CSMD1: variants seen among roughly 807,000 people sequenced by gnomAD.
The protein encoded by CSMD1 is CUB and Sushi multiple domains 1, also known as CUB and sushi domain-containing protein 1.
A neutral mutation model predicts 417.5 loss-of-function variants in CSMD1; 213 were observed. That is an observed-to-expected ratio of 0.51 (90% CI 0.46 to 0.57). The LOEUF (loss-of-function observed/expected upper bound fraction) is 0.57. Ranked by LOEUF, CSMD1 falls within the 20% of genes least tolerant of loss-of-function variation. The probability of loss-of-function intolerance (pLI) is 0.00; values close to 1 mark genes in which losing one functional copy is unlikely to be tolerated. For missense variants in CSMD1, 6,923 were observed against 4,529.7 expected (o/e 1.53, Z -15.17); for synonymous variants, 2,862 against 1,736.8 (o/e 1.65, Z -16.11).
intron 5 of CSMD1, among the ~76,000 whole-genome samples, chr8:3,846,257 T>G (rs973561097): frequency 1.3e-5 from 2 of 152,180 alleles, no homozygotes; most frequent in African/African-American, 4.8e-5. Flanking sequence ...TGCACCACGC[T>G]ATGGCATTAT....
At chr8:4,278,116 C>A (rs1053031103) in intron 3 of CSMD1, among the ~76,000 whole-genome samples, 1 of 152,156 alleles carries the variant, frequency 6.6e-6, no homozygotes, top group Non-Finnish European at 1.5e-5. Flanking sequence ...TTCTCTTTCT[C>A]CTTATGCTCA....
intron 1 of CSMD1, among the ~76,000 whole-genome samples, chr8:4,782,765 G>C (rs931964016): frequency 6.6e-6 from 1 of 152,062 alleles, no homozygotes; most frequent in African/African-American, 2.4e-5. Context: ...TTATTTTCTA[G>C]TTAGTAATAG....
Position 3,936,021 on chromosome 8 carries a change from G to A in CSMD1, c.818+61882C>T, listed in dbSNP as rs528305481. The stretch of plus-strand genomic sequence containing the variant: ...ATGCAAATGATAAGAAAGGAAAACA[G>A]CCTTATTGCTGATATGGAGAAAGTT... On this transcript the variant is annotated intron_variant, in intron 5 of 69. Coordinates refer to ENST00000635120, the MANE Select transcript of CSMD1 (RefSeq NM_033225.6). Among the ~76,000 whole-genome samples the A allele has an allele frequency of 5.3e-5, 8 of 152,246 alleles. 1 individual carries two copies. Among genetic ancestry groups the A allele is most frequent in the Admixed American group, 2.6e-4 (4 of 15,270 alleles).
At chr8:3,007,267 G>C (rs1808007654) in intron 52 of CSMD1, among the ~76,000 whole-genome samples, 1 of 151,402 alleles carries the variant, frequency 6.6e-6, no homozygotes, top group Non-Finnish European at 1.5e-5. Context: ...TAAAAAGTCA[G>C]GAAACAACAG....
At chr8:3,230,945 T>C (rs1490401058) in intron 26 of CSMD1, among the ~76,000 whole-genome samples, 2 of 152,162 alleles carry the variant, frequency 1.3e-5, no homozygotes, top group East Asian at 3.9e-4. Flanking sequence ...GCCTGTGCTT[T>C]CAGGGGCCAC....
At position 3,678,343 on chromosome 8, in the gene CSMD1, G is replaced by C. The variant is rs150735174; in HGVS notation, c.1009+30071C>G. 5.8e-3 allele frequency among the ~76,000 whole-genome samples: 886 copies of C among 152,276 alleles called. 4 individuals are homozygous for C. Among genetic ancestry groups the C allele is most frequent in the Middle Eastern group, 0.051 (15 of 294 alleles). Reference sequence around the variant, plus strand: ...TAACCAATGCAGAGAAGTCTTTAAAGGACCTGATGGAGCTGAAAACCATGG... The same window carrying C: ...TAACCAATGCAGAGAAGTCTTTAAACGACCTGATGGAGCTGAAAACCATGG... On this transcript the variant is annotated intron_variant, in intron 7 of 69. Coordinates refer to ENST00000635120, the MANE Select transcript of CSMD1 (RefSeq NM_033225.6).
intron 5 of CSMD1, among the ~76,000 whole-genome samples, chr8:3,862,770 T>A (rs1804804125): frequency 6.6e-6 from 1 of 152,148 alleles, no homozygotes; most frequent in Non-Finnish European, 1.5e-5. Context: ...ACTGACGAGA[T>A]TACACACAGA....
intron 7 of CSMD1, among the ~76,000 whole-genome samples, chr8:3,630,621 G>C (rs1220654245): frequency 6.6e-6 from 1 of 152,194 alleles, no homozygotes; most frequent in African/African-American, 2.4e-5. Context: ...GGGCTGGCAT[G>C]CTGAGTGAGG....
At position 4,804,431 on chromosome 8, in the gene CSMD1, G is replaced by T. The variant is rs568551674; in HGVS notation, c.86-166873C>A. ...TTTCTATGCAATTACTGAATAAATT[G>T]CCAGTCATATACAGACTTCGGTGTA... On this transcript the variant is annotated intron_variant, in intron 1 of 69. Transcript: ENST00000635120. 4.0e-5 allele frequency among the ~76,000 whole-genome samples: 6 copies of T among 151,880 alleles called. No individual in the cohort carries two copies. In the South Asian group the frequency reaches 1.0e-3, roughly 26 times the overall value.
intron 3 of CSMD1, among the ~76,000 whole-genome samples, chr8:4,249,102 C>G (rs1676334083): frequency 1.3e-5 from 2 of 152,302 alleles, no homozygotes; most frequent in South Asian, 2.1e-4. Flanking sequence ...CTACAGACTT[C>G]TCAACCTTTC....
At chr8:4,974,211 A>G (rs1415432544) in intron 1 of CSMD1, among the ~76,000 whole-genome samples, 1 of 151,188 alleles carries the variant, frequency 6.6e-6, no homozygotes. Context: ...TTTTTAATAG[A>G]GATGAGATTT....
intron 6 of CSMD1, among the ~76,000 whole-genome samples, chr8:3,753,292 T>C (rs1345645251): frequency 6.6e-6 from 1 of 152,174 alleles, no homozygotes; most frequent in Non-Finnish European, 1.5e-5. Flanking sequence ...TGAATAGTTT[T>C]TTGCTGTGTT....
At chr8:4,014,737 G>A (rs897802913) in intron 4 of CSMD1, among the ~76,000 whole-genome samples, 2 of 152,292 alleles carry the variant, frequency 1.3e-5, no homozygotes, top group African/African-American at 2.4e-5. Context: ...CACTTCGCAT[G>A]ACTGCCCATC....
chr8:3,946,563 A>C (rs74448867), intron 5 of CSMD1, among the ~76,000 whole-genome samples: 1 of 151,560 alleles, frequency 6.6e-6, no homozygotes, highest in Non-Finnish European at 1.5e-5. Context: ...TCCTAAAAAC[A>C]AACAAACAAA....
intron 25 of CSMD1, among the ~76,000 whole-genome samples, chr8:3,304,069 T>G (rs1414405581): frequency 6.6e-6 from 1 of 152,144 alleles, no homozygotes; most frequent in East Asian, 1.9e-4. Context: ...TGGCCTAAAG[T>G]AAAATATTGA....
intron 3 of CSMD1, among the ~76,000 whole-genome samples, chr8:4,050,932 C>T (rs144896146): frequency 1.8e-4 from 28 of 152,054 alleles, no homozygotes; most frequent in Non-Finnish European, 3.5e-4. Flanking sequence ...ACCTATATTC[C>T]CATCCATGAT....
intron 49 of CSMD1, among the ~76,000 whole-genome samples, chr8:3,056,371 TTTC>T (rs752354837): frequency 6.6e-6 from 1 of 152,166 alleles, no homozygotes; most frequent in Non-Finnish European, 1.5e-5. Flanking sequence ...TCTCTGTTTT[TTTC>T]TTTTTTTCTT....
intron 1 of CSMD1, among the ~76,000 whole-genome samples, chr8:4,645,489 C>T (rs971567516): frequency 4.8e-5 from 6 of 124,734 alleles, no homozygotes; most frequent in Non-Finnish European, 6.5e-5. Flanking sequence ...CACTGGGCTT[C>T]GGATCAAACA....
intron 40 of CSMD1, 74 bp from the exon 41 acceptor site, chr8:3,142,748 G>C: frequency 8.0e-7 from 1 of 1,245,618 alleles, no homozygotes; most frequent in Non-Finnish European, 1.2e-6. Flanking sequence ...AAAAGGGACT[G>C]AAGTGTTAGC....
Sources: gnomAD v4.1 joint callset for allele counts (sites outside exome capture counted in the v4.1 genomes callset) on GRCh38, gnomAD v4.1.1 for gene constraint, MANE v1.5 for transcripts, NCBI Gene and HGNC (gene_info 2026-07-23, HGNC 2026-07-21) for gene names.